Variants in PDE1C observed in about 807,000 individuals in gnomAD.
PDE1C encodes the protein phosphodiesterase 1C.
In PDE1C, 62 loss-of-function variants were observed where a neutral mutation model predicts 93.1. The ratio of observed to expected loss-of-function variants is 0.67; its 90% CI spans 0.54 to 0.82. The LOEUF (loss-of-function observed/expected upper bound fraction) is 0.82. PDE1C is among the 40% of genes least tolerant of loss of function. The pLI is 0.00. For missense variants in PDE1C, 742 were observed against 884.6 expected (o/e 0.84, Z 2.04); for synonymous variants, 325 against 310.1 (o/e 1.05, Z -0.50).
chr7:32,300,473 G>A (rs567631024), upstream of PDE1C, among the ~76,000 whole-genome samples: 2 of 152,260 alleles, frequency 1.3e-5, no homozygotes, highest in Admixed American at 6.5e-5. Context: ...CCCATGCCTG[G>A]AACCTGTTAC....
At chr7:31,900,207 T>C (rs1799799688) in intron 2 of PDE1C, among the ~76,000 whole-genome samples, 1 of 152,184 alleles carries the variant, frequency 6.6e-6, no homozygotes. Context: ...AATTGTTTTA[T>C]AAGTCTTTCC....
intron 1 of PDE1C, among the ~76,000 whole-genome samples, chr7:32,274,114 T>C (rs933586697): frequency 2.6e-5 from 4 of 152,118 alleles, no homozygotes; most frequent in African/African-American, 9.7e-5. Flanking sequence ...GTATAACCTC[T>C]CAAACATTTT....
intron 8 of PDE1C, among the ~76,000 whole-genome samples, chr7:31,849,086 A>C (rs1259859175): frequency 1.3e-5 from 2 of 152,134 alleles, no homozygotes; most frequent in Admixed American, 6.6e-5. Flanking sequence ...GAATTTTCCC[A>C]CTCCTATGGA....
At chr7:32,048,073 T>G (rs188499411) in intron 2 of PDE1C, among the ~76,000 whole-genome samples, 1 of 152,306 alleles carries the variant, frequency 6.6e-6, no homozygotes, top group Non-Finnish European at 1.5e-5. Flanking sequence ...ATTACTTGAC[T>G]GGGAGTGTCA....
intron 1 of PDE1C, among the ~76,000 whole-genome samples, chr7:32,292,186 A>T (rs1051989120): frequency 6.6e-6 from 1 of 152,144 alleles, no homozygotes; most frequent in African/African-American, 2.4e-5. Flanking sequence ...TAAAAAAATA[A>T]TTTTTAAAAA....
At chr7:31,834,277 AC>A (rs1420449888) in intron 11 of PDE1C, among the ~76,000 whole-genome samples, 11 of 151,722 alleles carry the variant, frequency 7.3e-5, no homozygotes, top group Middle Eastern at 3.4e-3. Context: ...TGGAGTTGAA[AC>A]CCCCACACAG....
the PDE1C span, chr7:31,658,200 G>T: frequency 7.4e-7 from 1 of 1,349,908 alleles, no homozygotes; most frequent in African/African-American, 1.5e-5. Context: ...TCGTTTTTTA[G>T]CCCACAGAAG....
At position 31,853,724 on chromosome 7, in the gene PDE1C, T is replaced by TG. The variant is rs1240947694; in HGVS notation, c.751-2984_751-2983insC. On this transcript the variant is annotated intron_variant, in intron 7 of 17. Coordinates refer to ENST00000396191, the MANE Select transcript of PDE1C (RefSeq NM_001191057.4). ...TTCGTTTTGTTTTTGTTTTTGTTTTTTTTTAAACAGGGTCTCACTCTGTTG... is the reference window on the plus strand; with the variant it reads ...TTCGTTTTGTTTTTGTTTTTGTTTTTGTTTTAAACAGGGTCTCACTCTGTTG... Among the ~76,000 whole-genome samples, 3 of 151,814 alleles carry TG rather than the reference T, an allele frequency of 2.0e-5. No homozygotes were observed. The East Asian group carries it at 5.8e-4, about 29-fold the overall frequency.
intron 1 of PDE1C, among the ~76,000 whole-genome samples, chr7:32,412,395 G>A (rs1453129275): frequency 1.3e-5 from 2 of 150,790 alleles, no homozygotes; most frequent in Non-Finnish European, 2.9e-5. Flanking sequence ...GGCGGAGGTT[G>A]CAGTAAGCGG....
At chr7:31,971,513 G>C (rs1810961066) in intron 2 of PDE1C, among the ~76,000 whole-genome samples, 1 of 152,176 alleles carries the variant, frequency 6.6e-6, no homozygotes, top group Non-Finnish European at 1.5e-5. Context: ...TGCTTGGCTT[G>C]TAGCAAGAAT....
chr7:31,659,700 TC>T, the PDE1C span, among the ~76,000 whole-genome samples: 3 of 151,184 alleles, frequency 2.0e-5, no homozygotes, highest in African/African-American at 4.8e-5. Flanking sequence ...CAGTCTCTTT[TC>T]TTGTAGTCTG....
Position 31,794,097 on chromosome 7 carries a change from T to C in PDE1C, c.1891+14934A>G, listed in dbSNP as rs372172195. Among the ~76,000 whole-genome samples, 722 of 144,302 alleles carry C rather than the reference T, an allele frequency of 5.0e-3. 7 individuals are homozygous for C. Among genetic ancestry groups the C allele is most frequent in the African/African-American group, 0.013 (502 of 37,464 alleles). 94.7% of individuals were successfully genotyped at this position (144,302 alleles called of 152,430 possible). On this transcript the variant is annotated intron_variant, in intron 16 of 17. Transcript: ENST00000396191. ...ACAGACAGACAGACAGACAGATAGA[T>C]AGACAGATAGATGGGCAGGCGGGCA...
chr7:32,270,091 T>C (rs1037375431), intron 1 of PDE1C, among the ~76,000 whole-genome samples: 1 of 152,122 alleles, frequency 6.6e-6, no homozygotes, highest in African/African-American at 2.4e-5. Flanking sequence ...GGGCACCCAA[T>C]TGAAAAGTTA....
the PDE1C span, chr7:31,652,032 C>T: frequency 7.5e-6 from 12 of 1,600,272 alleles, no homozygotes; most frequent in Non-Finnish European, 1.0e-5. Flanking sequence ...CTCAGCAAAT[C>T]AGAGAAGGGA....
the PDE1C span, among the ~76,000 whole-genome samples, chr7:31,709,613 T>C: frequency 2.0e-5 from 3 of 152,006 alleles, no homozygotes; most frequent in African/African-American, 7.2e-5. Context: ...GACTTTGTAA[T>C]AGAGTCCCAA....
At chr7:32,011,840 G>A (rs1004680225) in intron 2 of PDE1C, among the ~76,000 whole-genome samples, 4 of 152,162 alleles carry the variant, frequency 2.6e-5, no homozygotes, top group Admixed American at 2.0e-4. Flanking sequence ...TTCTAGAGAA[G>A]AGAAAGCCTA....
intron 2 of PDE1C, among the ~76,000 whole-genome samples, chr7:31,939,288 G>A: frequency 6.6e-6 from 1 of 152,110 alleles, no homozygotes. Context: ...CATTTACATG[G>A]TTATTCAGTT....
intron 1 of PDE1C, among the ~76,000 whole-genome samples, chr7:32,216,896 G>C (rs1457439593): frequency 6.6e-6 from 1 of 152,196 alleles, no homozygotes; most frequent in African/African-American, 2.4e-5. Flanking sequence ...GAAGAGCCAG[G>C]CTGCAGCCTT....
the PDE1C span, among the ~76,000 whole-genome samples, chr7:31,702,425 C>T: frequency 6.6e-6 from 1 of 152,150 alleles, no homozygotes; most frequent in Non-Finnish European, 1.5e-5. Flanking sequence ...TTAAATCCTA[C>T]CTAGGTTAAT....
Sources: gnomAD v4.1 joint callset for allele counts (sites outside exome capture counted in the v4.1 genomes callset) on GRCh38, gnomAD v4.1.1 for gene constraint, MANE v1.5 for transcripts, NCBI Gene and HGNC (gene_info 2026-07-23, HGNC 2026-07-21) for gene names.